The following PYY variants were observed in gnomAD, a reference collection of about 807,000 sequenced individuals.
The protein encoded by PYY is peptide YY, also known as peptide tyrosine tyrosine.
Under a neutral mutation model 10.3 loss-of-function variants are expected in PYY, and 12 were observed. That is an observed-to-expected ratio of 1.17 (90% CI 0.75 to 1.89). The LOEUF (loss-of-function observed/expected upper bound fraction) is 1.89, where lower values mean the gene tolerates loss of function less well. Among genes scored for constraint, PYY ranks in the 40% most tolerant of loss-of-function variants. The probability of loss-of-function intolerance (pLI) is 0.00; values close to 1 mark genes in which losing one functional copy is unlikely to be tolerated. For synonymous variants in PYY, 66 were observed against 62.0 expected (o/e 1.06, Z -0.30); for missense variants, 141 against 134.0 (o/e 1.05, Z -0.26).
intron 2 of PYY, among the ~76,000 whole-genome samples, chr17:43,959,903 T>C (rs141257215): frequency 6.6e-6 from 1 of 152,330 alleles, no homozygotes; most frequent in East Asian, 1.9e-4. Flanking sequence ...GAGGTATGGA[T>C]TCAGGGAGAA....
At chr17:43,953,506 T>A in intron 1 of PYY, 23 bp from the exon 2 acceptor site, 3 of 1,564,600 alleles carry the variant, frequency 1.9e-6, no homozygotes, top group Non-Finnish European at 2.6e-6. Context: ...CATTGGGACG[T>A]GGGTCATTCC....
At chr17:43,980,630 C>T (rs2048878379) in intron 1 of PYY, among the ~76,000 whole-genome samples, 1 of 151,568 alleles carries the variant, frequency 6.6e-6, no homozygotes, top group Non-Finnish European at 1.5e-5. Flanking sequence ...CCCACCACCA[C>T]ACTCAGCTAA....
chr17:43,963,617 A>AGAAAGAAAGAAAGAAAGAAG (rs2048732472), intron 2 of PYY, among the ~76,000 whole-genome samples: 2 of 77,572 alleles, frequency 2.6e-5, no homozygotes, highest in Admixed American at 2.5e-4. Context: ...AAAGAAAGAA[A>AGAAAGAAAGAAAGAAAGAAG]GAAAGAAAGA....
At chr17:43,993,556 G>A (rs948926500) in intron 1 of PYY, among the ~76,000 whole-genome samples, 6 of 151,924 alleles carry the variant, frequency 3.9e-5, no homozygotes, top group Admixed American at 2.6e-4. Flanking sequence ...AGCCTGGGAG[G>A]CAGAGGCTGC....
Position 43,953,394 on chromosome 17 carries a change from G to A in PYY, c.90C>T (p.Pro30=). 1 of 1,612,714 alleles carries A rather than the reference G, an allele frequency of 6.2e-7. No homozygotes were observed. ...VCLGALVDAY[P]IKPEAPREDA... ...CTTCGCGGGGAGCCTCGGGTTTGAT[G>A]GGGTAGGCGTCGACCAGCGCCCCTA... The change falls in exon 2 of 4, where the codon CCC becomes CCT. Residue 30 remains proline, a synonymous_variant. Coordinates refer to ENST00000692052, the MANE Select transcript of PYY (RefSeq NM_001394028.1).
At chr17:43,999,464 C>T (rs1055842388) in intron 1 of PYY, among the ~76,000 whole-genome samples, 3 of 151,916 alleles carry the variant, frequency 2.0e-5, no homozygotes, top group Non-Finnish European at 2.9e-5. Context: ...TTGTTAGAGG[C>T]CGGGCACGGT....
At chr17:43,977,994 G>C (rs1383425785) in intron 1 of PYY, among the ~76,000 whole-genome samples, 2 of 151,992 alleles carry the variant, frequency 1.3e-5, no homozygotes. Flanking sequence ...GAGCCCAGGA[G>C]TTCAAGACCA....
chr17:43,993,747 G>T (rs2048972931), intron 1 of PYY, among the ~76,000 whole-genome samples: 1 of 152,056 alleles, frequency 6.6e-6, no homozygotes, highest in African/African-American at 2.4e-5. Context: ...TAGACCAAAA[G>T]CAAACTGCAG....
intron 1 of PYY, among the ~76,000 whole-genome samples, chr17:43,991,052 G>C (rs1357170862): frequency 6.6e-6 from 1 of 151,696 alleles, no homozygotes; most frequent in Non-Finnish European, 1.5e-5. Context: ...CAAAGTGCTG[G>C]GATTACAAGC....
At chr17:43,966,004 C>A (rs1013634163) in intron 2 of PYY, among the ~76,000 whole-genome samples, 1 of 151,840 alleles carries the variant, frequency 6.6e-6, no homozygotes, top group African/African-American at 2.4e-5. Flanking sequence ...ATTTTAATCA[C>A]CCCCAAAATC....
At chr17:43,953,741 C>T in intron 1 of PYY, 109 bp downstream of exon 1, 1 of 364,170 alleles carries the variant, frequency 2.7e-6, no homozygotes, top group Non-Finnish European at 4.9e-6. Context: ...CTCCGATGGC[C>T]CCCTCCAATC....
At chr17:43,996,372 C>G (rs1327677656) in intron 1 of PYY, among the ~76,000 whole-genome samples, 1 of 152,192 alleles carries the variant, frequency 6.6e-6, no homozygotes, top group Admixed American at 6.5e-5. Flanking sequence ...ATGAGAAACT[C>G]TGAACTAGAA....
Sources: gnomAD v4.1 joint callset for allele counts (sites outside exome capture counted in the v4.1 genomes callset) on GRCh38, gnomAD v4.1.1 for gene constraint, MANE v1.5 for transcripts, NCBI Gene and HGNC (gene_info 2026-07-23, HGNC 2026-07-21) for gene names.